Variants in ZNF804B observed in about 807,000 individuals in gnomAD.
ZNF804B encodes the protein zinc finger protein 804B.
Under a neutral mutation model 101.4 loss-of-function variants are expected in ZNF804B, and 80 were observed. That is an observed-to-expected ratio of 0.79 (90% CI 0.66 to 0.95). ZNF804B has a LOEUF of 0.95. Ranked by LOEUF, ZNF804B falls within the 40% of genes least tolerant of loss-of-function variation. The probability of loss-of-function intolerance (pLI) is 0.00; values close to 1 mark genes in which losing one functional copy is unlikely to be tolerated. For missense variants in ZNF804B, 1,673 were observed against 1,561.9 expected (o/e 1.07, Z -1.20); for synonymous variants, 622 against 558.8 (o/e 1.11, Z -1.59).
At chr7:89,014,803 T>C (rs1022073580) in intron 1 of ZNF804B, among the ~76,000 whole-genome samples, 1 of 152,142 alleles carries the variant, frequency 6.6e-6, no homozygotes, top group Non-Finnish European at 1.5e-5. Flanking sequence ...TTTCATAGGT[T>C]GGCTTTCCAC....
chr7:89,214,471 A>G (rs1315816770), intron 1 of ZNF804B, among the ~76,000 whole-genome samples: 1 of 152,308 alleles, frequency 6.6e-6, no homozygotes, highest in South Asian at 2.1e-4. Context: ...CCTTTCATAT[A>G]TGACACTTCA....
At chr7:88,784,027 C>A (rs1276976709) in intron 1 of ZNF804B, among the ~76,000 whole-genome samples, 1 of 152,084 alleles carries the variant, frequency 6.6e-6, no homozygotes, top group Admixed American at 6.6e-5. Flanking sequence ...TTGGATCATG[C>A]ATTATTGCTC....
chr7:89,334,530 C>G lies in ZNF804B; in HGVS notation c.1548C>G (p.Val516=), dbSNP rs149745798. The G allele has an allele frequency of 6.8e-6, 11 of 1,613,590 alleles. No individual in the cohort carries two copies. Among genetic ancestry groups the G allele is most frequent in the African/African-American group, 4.0e-5 (3 of 74,864 alleles). ...TGAAGACTAAAAGAGAGAGCCAAGT[C>G]TCAGGTTTAACTGAAGACCAACAAA... The part of the protein sequence containing the change: ...LELKTKRESQ[V]SGLTEDQQKL... The change falls in exon 4 of 4, where the codon GTC becomes GTG. Residue 516 remains valine (V), a synonymous_variant. Coordinates refer to ENST00000333190, the MANE Select transcript of ZNF804B (RefSeq NM_181646.5).
chr7:88,981,590 A>T (rs547817083), intron 1 of ZNF804B, among the ~76,000 whole-genome samples: 52 of 152,098 alleles, frequency 3.4e-4, no homozygotes, highest in African/African-American at 1.2e-3. Context: ...GGCCTAGACT[A>T]CCTTCAGGTT....
rs1441681038 is a variant in ZNF804B, at chr7:89,333,669, A to G, written c.687A>G (p.Leu229=). Residue 229 remains leucine (L), a synonymous_variant, in exon 4 of 4, where the codon CTA becomes CTG. Transcript: ENST00000333190. ...VSFTFSKKVH[L]KLESSASVFS... is the part of the protein sequence containing the mutation. ...TTACTTTTTCCAAAAAAGTGCACCT[A>G]AAATTAGAATCTTCAGCATCAGTTT... The G allele has an allele frequency of 1.2e-6, 2 of 1,613,504 alleles. No individual in the cohort carries two copies. The highest frequency in any genetic ancestry group is 3.3e-5 in the Admixed American group (2 of 59,890).
intron 1 of ZNF804B, among the ~76,000 whole-genome samples, chr7:88,884,566 T>C (rs1373507091): frequency 1.3e-5 from 2 of 151,984 alleles, no homozygotes; most frequent in Non-Finnish European, 2.9e-5. Context: ...TATTTGTATG[T>C]TGAGGAGCTA....
intron 1 of ZNF804B, among the ~76,000 whole-genome samples, chr7:88,801,042 A>T (rs1470033783): frequency 6.6e-6 from 1 of 151,920 alleles, no homozygotes. Context: ...TCTAGTGGAG[A>T]ATTTTTTATT....
At chr7:89,241,892 T>A (rs1303874142) in intron 2 of ZNF804B, among the ~76,000 whole-genome samples, 1 of 151,250 alleles carries the variant, frequency 6.6e-6, no homozygotes, top group Non-Finnish European at 1.5e-5. Flanking sequence ...TCTACCTTTT[T>A]CTTTTTTTTT....
At chr7:88,834,023 C>T (rs1158574277) in intron 1 of ZNF804B, among the ~76,000 whole-genome samples, 1 of 151,676 alleles carries the variant, frequency 6.6e-6, no homozygotes, top group East Asian at 1.9e-4. Context: ...TTTTCAGCAT[C>T]TATTTGGAAT....
At chr7:89,303,924 C>A (rs1427358214) in intron 2 of ZNF804B, among the ~76,000 whole-genome samples, 4 of 151,812 alleles carry the variant, frequency 2.6e-5, no homozygotes, top group African/African-American at 9.7e-5. Flanking sequence ...TCAATTATTT[C>A]TGCTGGTACA....
intron 2 of ZNF804B, among the ~76,000 whole-genome samples, chr7:89,312,271 G>A (rs1323428564): frequency 5.3e-5 from 8 of 152,098 alleles, no homozygotes; most frequent in African/African-American, 1.7e-4. Context: ...TGGCTGTATC[G>A]CTCCAGAACA....
intron 2 of ZNF804B, among the ~76,000 whole-genome samples, chr7:89,287,125 G>T (rs1349699170): frequency 6.6e-6 from 1 of 151,906 alleles, no homozygotes; most frequent in African/African-American, 2.4e-5. Flanking sequence ...CCAGCTTTAA[G>T]AATATAATAC....
intron 1 of ZNF804B, among the ~76,000 whole-genome samples, chr7:89,036,922 G>A (rs1440676271): frequency 6.6e-6 from 1 of 152,092 alleles, no homozygotes; most frequent in Non-Finnish European, 1.5e-5. Flanking sequence ...CTGTTGTGAA[G>A]ATGTGGAAAT....
chr7:89,117,128 A>G (rs1288903652), intron 1 of ZNF804B, among the ~76,000 whole-genome samples: 4 of 152,206 alleles, frequency 2.6e-5, no homozygotes, highest in African/African-American at 9.6e-5. Flanking sequence ...AAGCTGGAAG[A>G]GGCAAAGGAC....
At chr7:88,968,086 G>T (rs530720740) in intron 1 of ZNF804B, among the ~76,000 whole-genome samples, 8 of 151,488 alleles carry the variant, frequency 5.3e-5, no homozygotes, top group South Asian at 4.2e-4. Context: ...CATCAAGAGA[G>T]TCTTCTAGAT....
rs1041003751 is a variant in ZNF804B, at chr7:88,785,720, G to T, written c.108+25636G>T. Among the ~76,000 whole-genome samples, 7 of 152,018 alleles carry T rather than the reference G, an allele frequency of 4.6e-5. No individual in the cohort carries two copies. The East Asian group carries it at 1.4e-3, about 29-fold the overall frequency. ...TCTTTCAGTTCTCCCAACACAGTAT[G>T]CTTCTTCTTGCCTTCAGATTTTAGA... On this transcript the variant is annotated intron_variant, in intron 1 of 3. Transcript: ENST00000333190.
intron 1 of ZNF804B, among the ~76,000 whole-genome samples, chr7:89,020,906 C>A (rs923175986): frequency 6.6e-6 from 1 of 152,116 alleles, no homozygotes; most frequent in Non-Finnish European, 1.5e-5. Context: ...TTATATCGCA[C>A]TGAATTTCCT....
intron 1 of ZNF804B, among the ~76,000 whole-genome samples, chr7:88,802,446 A>C (rs1475717124): frequency 6.6e-6 from 1 of 152,008 alleles, no homozygotes; most frequent in African/African-American, 2.4e-5. Flanking sequence ...CCTCATTTGC[A>C]TGAAATTCTG....
At chr7:89,297,820 ATTATT>A (rs1053880315) in intron 2 of ZNF804B, among the ~76,000 whole-genome samples, 1 of 148,846 alleles carries the variant, frequency 6.7e-6, no homozygotes, top group Non-Finnish European at 1.5e-5. Flanking sequence ...GAGTAAGGAC[ATTATT>A]TTACATAAAC....
Sources: gnomAD v4.1 joint callset for allele counts (sites outside exome capture counted in the v4.1 genomes callset) on GRCh38, gnomAD v4.1.1 for gene constraint, MANE v1.5 for transcripts, NCBI Gene and HGNC (gene_info 2026-07-23, HGNC 2026-07-21) for gene names.